PDK2: variants seen among roughly 807,000 people sequenced by gnomAD.
The protein encoded by PDK2 is pyruvate dehydrogenase kinase, isozyme 2.
A neutral mutation model predicts 50.4 loss-of-function variants in PDK2; 34 were observed. The ratio of observed to expected loss-of-function variants is 0.68; its 90% confidence interval spans 0.51 to 0.90. The LOEUF is 0.90. PDK2 is among the 40% of genes least tolerant of loss of function. The pLI, the probability that PDK2 is intolerant of heterozygous loss-of-function variation, is 0.00. For synonymous variants in PDK2, 232 were observed against 216.0 expected, an observed-to-expected ratio of 1.07 and a Z score of -0.65; for missense variants, 377 against 544.5, an observed-to-expected ratio of 0.69 and a Z score of 3.06.
At chr17:50,099,618 T>C (rs369876764) in intron 2 of PDK2, among the ~76,000 whole-genome samples, 5 of 151,634 alleles carry the variant, frequency 3.3e-5, no homozygotes, top group Non-Finnish European at 4.4e-5. Context: ...ACGGTGAAAC[T>C]CCATCTCTAC....
chr17:50,108,079 G>T (rs1439000311), intron 6 of PDK2, 77 bp from the exon 7 acceptor site: 2 of 1,181,978 alleles, frequency 1.7e-6, no homozygotes, highest in Non-Finnish European at 1.2e-6. Context: ...GTGGGAGGGG[G>T]TGCCTCCTTT....
intron 2 of PDK2, among the ~76,000 whole-genome samples, chr17:50,099,454 G>A (rs1302769583): frequency 6.6e-6 from 1 of 152,238 alleles, no homozygotes; most frequent in Admixed American, 6.5e-5. Context: ...TCAAGTAACA[G>A]CAGGAGGGAA....
chr17:50,105,272 C>T (rs1910444981), intron 2 of PDK2, 99 bp from the exon 3 acceptor site: 3 of 737,944 alleles, frequency 4.1e-6, no homozygotes, highest in Admixed American at 3.6e-5. Context: ...GTGGGGCCCG[C>T]GTAGGAGCAG....
At chr17:50,097,162 C>T (rs1909992883) in intron 1 of PDK2, among the ~76,000 whole-genome samples, 1 of 152,056 alleles carries the variant, frequency 6.6e-6, no homozygotes, top group East Asian at 1.9e-4. Context: ...TCCAAATGGG[C>T]CCAGGAGTGG....
At chr17:50,095,179 G>A, upstream of PDK2, 1 of 427,336 alleles carries the variant, frequency 2.3e-6, no homozygotes, top group Non-Finnish European at 4.2e-6. Flanking sequence ...ACAACAGGCC[G>A]CCCCGGCAAA....
chr17:50,097,326 A>G, intron 1 of PDK2, 97 bp from the exon 2 acceptor site: 1 of 1,300,728 alleles, frequency 7.7e-7, no homozygotes, highest in Non-Finnish European at 1.1e-6. Flanking sequence ...TTGCTCTCTG[A>G]GCCCCCTGTT....
In PDK2 at chr17:50,101,306, C is replaced by T. The variant is rs115388683; in HGVS notation, c.260+3742C>T. Among the ~76,000 whole-genome samples the T allele has an allele frequency of 0.015, 2,294 of 152,198 alleles. 49 individuals are homozygous for T. Among genetic ancestry groups the T allele is most frequent in the African/African-American group, 0.052 (2,170 of 41,490 alleles). Reference sequence around the variant, plus strand: ...ACCGAGCAGGACCGACCACTTACTGCGCATGTACTCGAGGCATCATCTTTT... The same window carrying T: ...ACCGAGCAGGACCGACCACTTACTGTGCATGTACTCGAGGCATCATCTTTT... On this transcript the variant is annotated intron_variant, in intron 2 of 10. Transcript: ENST00000503176. This position sits in a 1 kb window ranked among gnomAD's most constrained non-coding sequence, Gnocchi z 4.2.
Position 50,095,525 on chromosome 17 carries a change from G to A in PDK2, c.90G>A (p.Pro30=), listed in dbSNP as rs775793823. ...IEHFSKFSPS[P]LSMKQFLDFG... is the part of the protein sequence containing the mutation. ...ACTTCAGCAAGTTCTCCCCGTCCCC[G>A]CTGTCCATGAAGCAGTTTCTGGACT... is the stretch of plus-strand genomic sequence containing the variant. Residue 30 remains proline (P), a synonymous_variant, in exon 1 of 11, where the codon CCG becomes CCA. Transcript: ENST00000503176. 1.2e-6 allele frequency: 2 copies of A among 1,606,580 alleles called. No individual in the cohort carries two copies. The highest frequency in any genetic ancestry group is 1.7e-6 in the Non-Finnish European group (2 of 1,176,728).
At chr17:50,095,943 G>T in intron 1 of PDK2, 2 of 499,692 alleles carry the variant, frequency 4.0e-6, no homozygotes, top group Non-Finnish European at 5.3e-6. Flanking sequence ...GAAACCGGGG[G>T]TCTGCTGGTG....
chr17:50,105,325 C>A, intron 2 of PDK2, 46 bp from the exon 3 acceptor site: 1 of 1,456,126 alleles, frequency 6.9e-7, no homozygotes, highest in Non-Finnish European at 9.4e-7. Context: ...TGAGGAGGGG[C>A]TAGCCACCTG....
At chr17:50,095,930 G>A in intron 1 of PDK2, 1 of 546,124 alleles carries the variant, frequency 1.8e-6, no homozygotes, top group Non-Finnish European at 2.4e-6. Context: ...CCTCCCACCA[G>A]AGGAAACCGG....
intron 2 of PDK2, among the ~76,000 whole-genome samples, chr17:50,104,959 A>C (rs1910428731): frequency 6.6e-6 from 1 of 152,044 alleles, no homozygotes; most frequent in African/African-American, 2.4e-5. Flanking sequence ...AAACATTAGG[A>C]GCTGTTTCCA....
At chr17:50,107,212 G>A in intron 6 of PDK2, 59 bp downstream of exon 6, 6 of 1,317,948 alleles carry the variant, frequency 4.6e-6, no homozygotes, top group Non-Finnish European at 6.6e-6. Context: ...GCAGGGCAAG[G>A]TGAGACGGGG....
chr17:50,096,751 A>G lies in PDK2; in HGVS notation c.119-672A>G, dbSNP rs754929677. Among the ~76,000 whole-genome samples the G allele has an allele frequency of 1.3e-5, 2 of 152,338 alleles. 1 individual carries two copies. The highest frequency in any genetic ancestry group is 6.8e-3 in the Middle Eastern group (2 of 294). ...CTGAGACCTTCAAAAGGATGATGGCATGGCCTGGGTGACAGAGTTGGAAGC... is the reference window on the plus strand; with the variant it reads ...CTGAGACCTTCAAAAGGATGATGGCGTGGCCTGGGTGACAGAGTTGGAAGC... On this transcript the variant is annotated intron_variant, in intron 1 of 10. Coordinates refer to ENST00000503176, the MANE Select transcript of PDK2 (RefSeq NM_002611.5).
At chr17:50,102,123 G>A (rs1305661377) in intron 2 of PDK2, among the ~76,000 whole-genome samples, 3 of 152,200 alleles carry the variant, frequency 2.0e-5, no homozygotes, top group African/African-American at 7.2e-5. Context: ...TTAGGATCAA[G>A]AACCGGCCCA....
chr17:50,106,548 T>G (rs1023924461), intron 4 of PDK2: 2 of 567,680 alleles, frequency 3.5e-6, no homozygotes, highest in Non-Finnish European at 6.2e-6. Context: ...AGATGTGATG[T>G]GGGGAGAGAC....
intron 6 of PDK2, among the ~76,000 whole-genome samples, chr17:50,107,504 C>A (rs143305602): frequency 3.5e-4 from 53 of 152,244 alleles, no homozygotes; most frequent in African/African-American, 1.2e-3. Flanking sequence ...TCACTTGAAC[C>A]CGGGAGGCTG....
chr17:50,106,899 G>T lies in PDK2; in HGVS notation c.607+16G>T, dbSNP rs748283305. ...GTGGTCAAAGGTGAGCCATTCCCAC[G>T]GTGCCTGGCCCGCAGAGAAGCCCCG... On this transcript the variant is annotated intron_variant, in intron 5 of 10. Coordinates refer to ENST00000503176, the MANE Select transcript of PDK2 (RefSeq NM_002611.5). 1.2e-6 allele frequency: 2 copies of T among 1,609,846 alleles called. No homozygotes were observed. The highest frequency in any genetic ancestry group is 8.5e-7 in the Non-Finnish European group (1 of 1,176,294).
Position 50,111,093 on chromosome 17 carries a change from A to G in PDK2, c.*996A>G, listed in dbSNP as rs1910809801. ...GCTGCATCCCTGGGGGAGGGGACCC[A>G]CACGTGCGCACGTACACACGCACAC... On this transcript the variant is annotated 3_prime_UTR_variant, in exon 11 of 11. Transcript: ENST00000503176. 1 of 152,382 alleles carries G rather than the reference A, an allele frequency of 6.6e-6. No homozygotes were observed. Among genetic ancestry groups the G allele is most frequent in the Non-Finnish European group, 1.5e-5 (1 of 68,168 alleles). The allele number at this position is 152,382 out of a possible 1,614,324, so 9.4% of individuals were successfully genotyped here.
Sources: gnomAD v4.1 joint callset for allele counts (sites outside exome capture counted in the v4.1 genomes callset) on GRCh38, gnomAD v4.1.1 for gene constraint, Gnocchi (gnomAD v3.1) non-coding constraint, MANE v1.5 for transcripts, NCBI Gene and HGNC (gene_info 2026-07-23, HGNC 2026-07-21) for gene names.